APOL4: variants seen among roughly 807,000 people sequenced by gnomAD.
The protein encoded by APOL4 is apolipoprotein L, 4.
Under a neutral mutation model 12.1 loss-of-function variants are expected in APOL4, and 14 were observed. The ratio of observed to expected loss-of-function variants is 1.16; its 90% CI spans 0.76 to 1.81. The LOEUF (loss-of-function observed/expected upper bound fraction) is 1.81, where lower values mean the gene tolerates loss of function less well. Ranked by LOEUF, APOL4 falls within the 40% of genes most tolerant of loss-of-function variation. APOL4 has a pLI of 0.00. For synonymous variants in APOL4, 171 were observed against 160.6 expected (o/e 1.06, Z -0.49); for missense variants, 432 against 423.1 (o/e 1.02, Z -0.18).
intron 3 of APOL4, 39 bp downstream of exon 3, chr22:36,195,272 C>A (rs1185139647): frequency 6.3e-7 from 1 of 1,599,276 alleles, no homozygotes; most frequent in East Asian, 2.2e-5. Flanking sequence ...TGGGTGGCAT[C>A]ACCGGGGTGC....
At chr22:36,195,131 G>T in intron 3 of APOL4, 180 bp downstream of exon 3, 2 of 724,644 alleles carry the variant, frequency 2.8e-6, no homozygotes, top group Non-Finnish European at 2.1e-6. Flanking sequence ...TCAGCCTGAG[G>T]TCACTCACTG....
At chr22:36,199,243 A>T (rs1425894684) in intron 2 of APOL4, 87 bp downstream of exon 2, 13 of 1,566,966 alleles carry the variant, frequency 8.3e-6, no homozygotes, top group Non-Finnish European at 1.1e-5. Flanking sequence ...AGCCTTGAAG[A>T]CACCACCCTC....
In APOL4 at chr22:36,195,355, G is replaced by T. The variant is rs761768565; in HGVS notation, c.165C>A (p.Ser55Arg). ...SPVHLKILLT[S>R]DEAWKRFVRV... ...GCACAAATCTCTTCCAGGCTTCATC[G>T]CTAGTCAGCAGGATTTTCAGATGCA... The change falls in exon 3 of 4, where the codon AGC becomes AGA. Residue 55 changes from serine to arginine, a missense_variant. Transcript: ENST00000683024. 1.2e-5 allele frequency: 19 copies of T among 1,613,704 alleles called. No homozygotes were observed. The East Asian group carries it at 3.1e-4, about 26-fold the overall frequency.
intron 2 of APOL4, among the ~76,000 whole-genome samples, chr22:36,196,648 T>C (rs2014419577): frequency 1.3e-5 from 2 of 152,192 alleles, no homozygotes; most frequent in African/African-American, 4.8e-5. Context: ...AACCAGTTTG[T>C]ATTTATGTAT....
At chr22:36,193,656 G>A (rs1005518324) in intron 3 of APOL4, among the ~76,000 whole-genome samples, 8 of 152,160 alleles carry the variant, frequency 5.3e-5, no homozygotes, top group East Asian at 1.9e-4. Context: ...GGGTGCACTC[G>A]AACGTTGCAG....
At chr22:36,198,372 G>A (rs1023106259) in intron 2 of APOL4, among the ~76,000 whole-genome samples, 4 of 152,192 alleles carry the variant, frequency 2.6e-5, no homozygotes, top group Admixed American at 1.3e-4. Context: ...ATATTCACCC[G>A]ATAAACACTT....
At chr22:36,196,578 C>T (rs567896267) in intron 2 of APOL4, among the ~76,000 whole-genome samples, 1 of 152,284 alleles carries the variant, frequency 6.6e-6, no homozygotes, top group East Asian at 1.9e-4. Context: ...GATGAGTTGC[C>T]CCAAAAATGT....
Position 36,200,474 on chromosome 22 carries a change from C to T in APOL4, c.36-1098G>A, listed in dbSNP as rs567627018. Among the ~76,000 whole-genome samples, 13 of 152,366 alleles carry T rather than the reference C, an allele frequency of 8.5e-5. No individual in the cohort carries two copies. In the East Asian group the frequency reaches 1.3e-3, roughly 16 times the overall value. Reference sequence around the variant, plus strand: ...TGTCCCACAAAGACCTGGATCCTGCCAGATGCCGGCCTAGCCCCTGCTGTG... The same window carrying T: ...TGTCCCACAAAGACCTGGATCCTGCTAGATGCCGGCCTAGCCCCTGCTGTG... On this transcript the variant is annotated intron_variant, in intron 1 of 3. Coordinates refer to ENST00000683024, the MANE Select transcript of APOL4 (RefSeq NM_001386885.1).
chr22:36,191,080 C>G lies in APOL4; in HGVS notation c.1042G>C (p.Gly348Arg), dbSNP rs750351065. Residue 348 changes from glycine to arginine, a missense_variant, in exon 4 of 4, where the codon GGC becomes CGC. By Grantham distance (125) the Gly-to-Arg change is moderately radical (BLOSUM62 -2). Transcript: ENST00000683024. The stretch of plus-strand genomic sequence containing the variant: ...ACTTCCCGCAACAATTGGGCCTAGC[C>G]TGCTTTTAGACTCTGATGGATATGG... ...LTHIHQSLKA[G>R] The G allele has an allele frequency of 2.5e-6, 4 of 1,596,172 alleles. No homozygotes were observed. The highest frequency in any genetic ancestry group is 1.1e-5 in the South Asian group (1 of 88,636).
chr22:36,193,046 C>G (rs1009959444), intron 3 of APOL4, among the ~76,000 whole-genome samples: 2 of 152,214 alleles, frequency 1.3e-5, no homozygotes, highest in Non-Finnish European at 2.9e-5. Flanking sequence ...CAAGAATCCC[C>G]CAAAGTCAAT....
chr22:36,201,495 AGTAT>A (rs2014574164), intron 1 of APOL4: 1 of 982,366 alleles, frequency 1.0e-6, no homozygotes. Context: ...TCACCAGGGG[AGTAT>A]GCAGAGGGGC....
chr22:36,203,640 A>G (rs1245960626), upstream of APOL4, among the ~76,000 whole-genome samples: 1 of 152,192 alleles, frequency 6.6e-6, no homozygotes, highest in African/African-American at 2.4e-5. Context: ...AACCGGTTAG[A>G]CTAGAAATTC....
At chr22:36,202,178 C>G (rs1057127254), upstream of APOL4, 1 of 1,332,448 alleles carries the variant, frequency 7.5e-7, no homozygotes, top group African/African-American at 1.4e-5. Context: ...GCCATCCTAG[C>G]TCATTGCTGC....
intron 2 of APOL4, among the ~76,000 whole-genome samples, chr22:36,197,028 G>A (rs1195356556): frequency 6.6e-6 from 1 of 152,080 alleles, no homozygotes; most frequent in Admixed American, 6.5e-5. Context: ...CCTCCGTGTT[G>A]CCTCTGTCCC....
chr22:36,197,519 TA>T (rs1196750273), intron 2 of APOL4: 25 of 1,345,632 alleles, frequency 1.9e-5, no homozygotes, highest in Non-Finnish European at 2.4e-5. Context: ...AAAATTAAAA[TA>T]AAAACCAGAC....
upstream of APOL4, among the ~76,000 whole-genome samples, chr22:36,203,423 A>G (rs1050004904): frequency 1.3e-5 from 2 of 152,226 alleles, no homozygotes; most frequent in African/African-American, 4.8e-5. Flanking sequence ...ATTCGTATGT[A>G]GAAGTACAGT....
upstream of APOL4, among the ~76,000 whole-genome samples, chr22:36,202,826 A>C (rs2014626076): frequency 6.6e-6 from 1 of 152,172 alleles, no homozygotes; most frequent in African/African-American, 2.4e-5. Context: ...CAGCTCTATC[A>C]GGTTTCTGAG....
At chr22:36,202,167 C>T (rs945586653), upstream of APOL4, 75 of 1,448,990 alleles carry the variant, frequency 5.2e-5, no homozygotes, top group South Asian at 4.5e-4. Context: ...AGGGCTTTGA[C>T]GCCATCCTAG....
chr22:36,194,041 T>C (rs950200265), intron 3 of APOL4, among the ~76,000 whole-genome samples: 1 of 152,160 alleles, frequency 6.6e-6, no homozygotes, highest in Non-Finnish European at 1.5e-5. Flanking sequence ...TCTCTATAAA[T>C]CACTAATGCT....
Sources: allele counts gnomAD v4.1 joint callset (sites outside exome capture counted in the v4.1 genomes callset), GRCh38; gene constraint gnomAD v4.1.1; transcripts MANE v1.5; gene names NCBI Gene and HGNC (gene_info 2026-07-23, HGNC 2026-07-21).